VAX2: variants seen among roughly 807,000 people sequenced by gnomAD.
VAX2 encodes the protein ventral anterior homeobox 2.
A neutral mutation model predicts 12.5 loss-of-function variants in VAX2; 8 were observed. The observed-to-expected ratio is 0.64, with a 90% CI of 0.37 to 1.15. The LOEUF (loss-of-function observed/expected upper bound fraction) is 1.15, where lower values mean the gene tolerates loss of function less well. Among genes scored for constraint, VAX2 ranks in the 50% most tolerant of loss-of-function variants. The probability of loss-of-function intolerance (pLI) is 0.01; values close to 1 mark genes in which losing one functional copy is unlikely to be tolerated. For synonymous variants in VAX2, 183 were observed against 187.6 expected, an observed-to-expected ratio of 0.98 and a Z score of 0.20; for missense variants, 476 against 412.9, an observed-to-expected ratio of 1.15 and a Z score of -1.32.
At chr2:70,921,950 A>C (rs979680184) in intron 2 of VAX2, among the ~76,000 whole-genome samples, 1 of 152,174 alleles carries the variant, frequency 6.6e-6, no homozygotes, top group Non-Finnish European at 1.5e-5. Flanking sequence ...ACTACTACTA[A>C]TACTTAGTAC....
At chr2:70,920,847 A>T (rs1332223548) in intron 1 of VAX2, among the ~76,000 whole-genome samples, 1 of 152,232 alleles carries the variant, frequency 6.6e-6, no homozygotes, top group South Asian at 2.1e-4. Context: ...TTCCCAGACC[A>T]CATTGGTAGA....
chr2:70,913,110 G>A (rs1251332100), intron 1 of VAX2, among the ~76,000 whole-genome samples: 2 of 152,194 alleles, frequency 1.3e-5, no homozygotes, highest in East Asian at 3.9e-4. Context: ...AAATTTTAGA[G>A]GCTTAACAAA....
In VAX2 at chr2:70,900,806, C is replaced by T; in HGVS notation, c.185C>T (p.Ala62Val). 1 of 1,491,472 alleles carries T rather than the reference C, an allele frequency of 6.7e-7. No homozygotes were observed. The allele number at this position is 1,491,472 out of a possible 1,614,324, so 92.4% of individuals were successfully genotyped here. ...SSPAGSRESG[A>V]DSDGQPGPGE... is the part of the protein sequence containing the mutation. ...CCCGCAGGCTCCAGGGAGAGTGGAG[C>T]CGACAGCGACGGGCAGCCCGGGCCC... The change falls in exon 1 of 3, where the codon GCC becomes GTC. Residue 62 changes from alanine to valine, a missense_variant. Coordinates refer to ENST00000234392, the MANE Select transcript of VAX2 (RefSeq NM_012476.3).
intron 2 of VAX2, among the ~76,000 whole-genome samples, chr2:70,925,169 G>A (rs145457925): frequency 1.2e-3 from 176 of 152,292 alleles, no homozygotes; most frequent in African/African-American, 4.0e-3. Context: ...AGAGACTATG[G>A]TAATACATTG....
chr2:70,908,024 C>A (rs556305002), intron 1 of VAX2, among the ~76,000 whole-genome samples: 1 of 152,162 alleles, frequency 6.6e-6, no homozygotes, highest in East Asian at 1.9e-4. Flanking sequence ...GGTTGTTTTT[C>A]CTTAATATAA....
chr2:70,921,294 C>T lies in VAX2; in HGVS notation c.435+9C>T, dbSNP rs782681078. The T allele has an allele frequency of 6.2e-7, 1 of 1,601,012 alleles. No homozygotes were observed. Among genetic ancestry groups the T allele is most frequent in the African/African-American group, 1.3e-5 (1 of 74,220 alleles). On this transcript the variant is annotated intron_variant, in intron 2 of 2. Coordinates refer to ENST00000234392, the MANE Select transcript of VAX2 (RefSeq NM_012476.3). ...ACCTCTCCGAGACCCAGGTAAGAGA[C>T]CAGGGCCAGGCCACTCCACTCTTGT...
intron 1 of VAX2, among the ~76,000 whole-genome samples, chr2:70,912,733 G>A (rs1188059080): frequency 6.6e-6 from 1 of 152,174 alleles, no homozygotes; most frequent in Admixed American, 6.5e-5. Context: ...AAAGAAGTGA[G>A]ATAGGGCTTT....
Position 70,914,803 on chromosome 2 carries a change from A to T in VAX2, c.248-6295A>T, listed in dbSNP as rs868934118. Among the ~76,000 whole-genome samples, 1,186 of 140,674 alleles carry T rather than the reference A, an allele frequency of 8.4e-3. 17 individuals are homozygous for T. Among genetic ancestry groups the T allele is most frequent in the African/African-American group, 0.029 (1,102 of 38,012 alleles). 92.3% of individuals were successfully genotyped at this position (140,674 alleles called of 152,430 possible). A position where few individuals can be genotyped will look rare whatever the true frequency, so the allele number is the denominator to read the frequency against. ...TTATTTTATCAGGCTATTTACTTAA[A>T]TTTTTTTTTTTTTTTTTGAGACAGA... On this transcript the variant is annotated intron_variant, in intron 1 of 2. Coordinates refer to ENST00000234392, the MANE Select transcript of VAX2 (RefSeq NM_012476.3).
At chr2:70,915,501 A>T (rs1679290409) in intron 1 of VAX2, among the ~76,000 whole-genome samples, 2 of 152,208 alleles carry the variant, frequency 1.3e-5, no homozygotes, top group African/African-American at 2.4e-5. Context: ...AAGTGCTGGG[A>T]TTACAGGCGT....
At chr2:70,916,226 G>A (rs149128296) in intron 1 of VAX2, among the ~76,000 whole-genome samples, 159 of 152,188 alleles carry the variant, frequency 1.0e-3, no homozygotes, top group African/African-American at 3.6e-3. Context: ...GACTCGCAAG[G>A]AGTTATAAAA....
chr2:70,933,024 G>C lies in VAX2; in HGVS notation c.693G>C (p.Pro231=), dbSNP rs781851281. ...GGAACTCCTCCCCACGCCTCAACCC[G>C]CTGTCCTCGGCCTCAGCGTCCCCCC... ...DPRNSSPRLN[P]LSSASASPPL... The change falls in exon 3 of 3, where the codon CCG becomes CCC. Residue 231 remains proline, a synonymous_variant. Transcript: ENST00000234392. The C allele has an allele frequency of 6.3e-7, 1 of 1,595,734 alleles. No homozygotes were observed. Among genetic ancestry groups the C allele is most frequent in the African/African-American group, 1.3e-5 (1 of 74,532 alleles).
rs1198884062 is a variant in VAX2 at position 70,900,847 on chromosome 2, T to A, written c.226T>A (p.Cys76Ser). The A allele has an allele frequency of 6.9e-7, 1 of 1,443,474 alleles. No individual in the cohort carries two copies. Among genetic ancestry groups the A allele is most frequent in the Admixed American group, 2.5e-5 (1 of 40,028 alleles). 89.4% of individuals were successfully genotyped at this position (1,443,474 alleles called of 1,614,324 possible). Residue 76 changes from cysteine to serine, a missense_variant, in exon 1 of 3, where the codon TGC (cysteine) becomes AGC (serine). By Grantham distance (112) the Cys-to-Ser change is moderately radical. Coordinates refer to ENST00000234392, the MANE Select transcript of VAX2 (RefSeq NM_012476.3). ...GQPGPGEADHCRRILVRDAKG... is the reference protein window; with the variant it reads ...GQPGPGEADHSRRILVRDAKG... ...GCCCGGGCCCGGCGAGGCAGACCACTGCCGCCGCATACTGGTGCGAGGTAA... is the reference window on the plus strand; with the variant it reads ...GCCCGGGCCCGGCGAGGCAGACCACAGCCGCCGCATACTGGTGCGAGGTAA...
chr2:70,904,998 T>C lies in VAX2; in HGVS notation c.247+4130T>C, dbSNP rs113497484. 9.6e-3 allele frequency among the ~76,000 whole-genome samples: 1,466 copies of C among 152,282 alleles called. 26 individuals carry two copies. The highest frequency in any genetic ancestry group is 0.033 in the African/African-American group (1,373 of 41,576). ...GGGGGCGCAGCTTCGGGGCTCTGGC[T>C]GGGAGGTTACTGCAGGGACAGACGC... On this transcript the variant is annotated intron_variant, in intron 1 of 2. Transcript: ENST00000234392. The surrounding 1 kb of genome is among the most constrained non-coding windows in gnomAD (Gnocchi z 4.2).
chr2:70,933,006 C>T lies in VAX2; in HGVS notation c.675C>T (p.Ser225=), dbSNP rs782732843. ...RGTSLGDPRN[S]SPRLNPLSSA... ...CCTCCTTAGGTGACCCCAGGAACTC[C>T]TCCCCACGCCTCAACCCGCTGTCCT... The change falls in exon 3 of 3, where the codon TCC becomes TCT. Residue 225 remains serine (S), a synonymous_variant. Transcript: ENST00000234392. 3 of 1,599,276 alleles carry T rather than the reference C, an allele frequency of 1.9e-6. No individual in the cohort carries two copies. The highest frequency in any genetic ancestry group is 2.6e-6 in the Non-Finnish European group (3 of 1,171,924).
intron 1 of VAX2, among the ~76,000 whole-genome samples, chr2:70,919,400 C>T (rs1192656021): frequency 2.0e-5 from 3 of 151,772 alleles, no homozygotes; most frequent in African/African-American, 7.3e-5. Flanking sequence ...GGTTAAAGTG[C>T]TTAAAACAGC....
chr2:70,904,007 C>A lies in VAX2; in HGVS notation c.247+3139C>A, dbSNP rs1462535906. Among the ~76,000 whole-genome samples the A allele has an allele frequency of 6.6e-6, 1 of 152,162 alleles. No individual in the cohort carries two copies. The highest frequency in any genetic ancestry group is 2.1e-4 in the South Asian group (1 of 4,826). On this transcript the variant is annotated intron_variant, in intron 1 of 2. Coordinates refer to ENST00000234392, the MANE Select transcript of VAX2 (RefSeq NM_012476.3). The surrounding 1 kb of genome is among the most constrained non-coding windows in gnomAD (Gnocchi z 4.2). ...GAGGCCAAACGTGGTGCGTCTCCTGCCTCAAAATGAAGACTCCTACATGTC... is the reference window on the plus strand; with the variant it reads ...GAGGCCAAACGTGGTGCGTCTCCTGACTCAAAATGAAGACTCCTACATGTC...
chr2:70,925,926 CCT>C (rs571681488), intron 2 of VAX2, among the ~76,000 whole-genome samples: 1 of 152,292 alleles, frequency 6.6e-6, no homozygotes, highest in East Asian at 1.9e-4. Context: ...TATCTCTTCT[CCT>C]CTCTTTTTTC....
At chr2:70,925,714 G>C (rs1372373158) in intron 2 of VAX2, among the ~76,000 whole-genome samples, 2 of 152,132 alleles carry the variant, frequency 1.3e-5, no homozygotes, top group African/African-American at 2.4e-5. Context: ...AGAAGCCATA[G>C]CCTTGTTGAA....
intron 2 of VAX2, among the ~76,000 whole-genome samples, chr2:70,931,116 G>A (rs1679686018): frequency 6.6e-6 from 1 of 152,210 alleles, no homozygotes; most frequent in South Asian, 2.1e-4. Flanking sequence ...CCTCCCATGA[G>A]GTTTTGTGGC....
Sources: allele counts gnomAD v4.1 joint callset (sites outside exome capture counted in the v4.1 genomes callset), GRCh38; gene constraint gnomAD v4.1.1; non-coding constraint Gnocchi (gnomAD v3.1); transcripts MANE v1.5; gene names NCBI Gene and HGNC (gene_info 2026-07-23, HGNC 2026-07-21).